Variants in DNAAF4 observed in about 807,000 individuals in gnomAD.
The protein encoded by DNAAF4 is dynein axonemal assembly factor 4.
Under a neutral mutation model 51.8 loss-of-function variants are expected in DNAAF4, and 43 were observed. The observed-to-expected ratio is 0.83, with a 90% CI of 0.65 to 1.07. The LOEUF (loss-of-function observed/expected upper bound fraction) is 1.07, where lower values mean the gene tolerates loss of function less well. Ranked by LOEUF, DNAAF4 falls within the 50% of genes least tolerant of loss-of-function variation. DNAAF4 has a pLI of 0.00. For missense variants in DNAAF4, 581 were observed against 493.0 expected (o/e 1.18, Z -1.69); for synonymous variants, 194 against 165.6 (o/e 1.17, Z -1.32).
intron 4 of DNAAF4, among the ~76,000 whole-genome samples, chr15:55,483,428 A>G (rs984032568): frequency 6.6e-6 from 1 of 152,022 alleles, no homozygotes; most frequent in Non-Finnish European, 1.5e-5. Context: ...GAAATGTTCC[A>G]GAATTACATA....
rs796958475 is a variant in DNAAF4, at chr15:55,455,062, C to T, written c.638-4695G>A. On this transcript the variant is annotated intron_variant, in intron 5 of 9. Transcript: ENST00000321149. Reference sequence around the variant, plus strand: ...TAAAATGCACAATTTAGAAGACAAACTACCAAAATTGACTTTGGAAAATTT... The same window carrying T: ...TAAAATGCACAATTTAGAAGACAAATTACCAAAATTGACTTTGGAAAATTT... Among the ~76,000 whole-genome samples the T allele has an allele frequency of 4.1e-4, 60 of 147,014 alleles. 1 individual carries two copies. The highest frequency in any genetic ancestry group is 1.5e-3 in the African/African-American group (59 of 40,312).
chr15:55,493,906 G>A (rs532452496), intron 3 of DNAAF4, among the ~76,000 whole-genome samples: 1 of 151,194 alleles, frequency 6.6e-6, no homozygotes, highest in African/African-American at 2.4e-5. Flanking sequence ...GTCTCCCTAT[G>A]TTGCCCAGGC....
intron 5 of DNAAF4, among the ~76,000 whole-genome samples, chr15:55,460,431 C>T (rs1245982738): frequency 8.6e-5 from 13 of 151,908 alleles, no homozygotes; most frequent in African/African-American, 1.5e-4. Context: ...CCACCCGCCT[C>T]GGCCTCCCAA....
chr15:55,438,868 C>T (rs930786557), intron 7 of DNAAF4, among the ~76,000 whole-genome samples: 1 of 151,716 alleles, frequency 6.6e-6, no homozygotes, highest in African/African-American at 2.4e-5. Context: ...TGGGAGACAT[C>T]AGAAAGGACT....
intron 5 of DNAAF4, among the ~76,000 whole-genome samples, chr15:55,454,902 T>C (rs1054118033): frequency 5.3e-5 from 8 of 152,010 alleles, no homozygotes; most frequent in Non-Finnish European, 1.0e-4. Flanking sequence ...GCTAGATCCA[T>C]TATACTTCAT....
chr15:55,432,568 T>C lies in DNAAF4; in HGVS notation c.1082A>G (p.Asn361Ser), dbSNP rs758258854. Residue 361 changes from asparagine (N) to serine (S), a missense_variant, in exon 9 of 10, where the codon AAT becomes AGT. Coordinates refer to ENST00000321149, the MANE Select transcript of DNAAF4 (RefSeq NM_130810.4). Reference sequence around the variant, plus strand: ...ATGTGCCTTCATTCTTGCATTAGCATTGTCTGTAACAGGTGGCATCAATAA... The same window carrying C: ...ATGTGCCTTCATTCTTGCATTAGCACTGTCTGTAACAGGTGGCATCAATAA... ...LELLMPPVTD[N>S]ANARMKAHVR... 1.9e-6 allele frequency: 3 copies of C among 1,612,480 alleles called. No homozygotes were observed. The highest frequency in any genetic ancestry group is 2.5e-6 in the Non-Finnish European group (3 of 1,178,988).
At chr15:55,485,518 T>C (rs1380905412) in intron 4 of DNAAF4, among the ~76,000 whole-genome samples, 1 of 151,842 alleles carries the variant, frequency 6.6e-6, no homozygotes, top group Non-Finnish European at 1.5e-5. Context: ...TTAAGGTTTC[T>C]GGGTTTCAAC....
At chr15:55,495,308 T>G (rs1442272650) in intron 3 of DNAAF4, 2 of 151,810 alleles carry the variant, frequency 1.3e-5, no homozygotes, top group African/African-American at 4.8e-5. Context: ...AAAAATAAAT[T>G]CTACCTTGGT....
downstream of DNAAF4, among the ~76,000 whole-genome samples, chr15:55,425,874 A>G (rs562139701): frequency 3.9e-5 from 6 of 152,296 alleles, no homozygotes; most frequent in African/African-American, 1.2e-4. Context: ...TAACTGCCCA[A>G]TGGGTTGACC....
At chr15:55,469,291 T>C (rs1321750738) in intron 4 of DNAAF4, among the ~76,000 whole-genome samples, 1 of 149,804 alleles carries the variant, frequency 6.7e-6, no homozygotes, top group Non-Finnish European at 1.5e-5. Flanking sequence ...GATAAAGCCA[T>C]TGCACTCAAA....
At chr15:55,458,695 C>A (rs557622688) in intron 5 of DNAAF4, among the ~76,000 whole-genome samples, 1 of 152,050 alleles carries the variant, frequency 6.6e-6, no homozygotes, top group African/African-American at 2.4e-5. Context: ...AAAGAACACC[C>A]GGGGAATTCA....
At chr15:55,425,339 G>A (rs1374515988), downstream of DNAAF4, among the ~76,000 whole-genome samples, 5 of 152,114 alleles carry the variant, frequency 3.3e-5, no homozygotes, top group African/African-American at 1.2e-4. Flanking sequence ...AATCCTGTTA[G>A]GTCAATTTAA....
downstream of DNAAF4, among the ~76,000 whole-genome samples, chr15:55,427,153 G>A (rs758417064): frequency 1.2e-4 from 18 of 152,044 alleles, no homozygotes; most frequent in Non-Finnish European, 2.4e-4. Flanking sequence ...TGCAACCTCC[G>A]CCTCCTGGGT....
chr15:55,457,720 G>GT (rs2058040605), intron 5 of DNAAF4, among the ~76,000 whole-genome samples: 1 of 152,136 alleles, frequency 6.6e-6, no homozygotes, highest in Non-Finnish European at 1.5e-5. Flanking sequence ...ATCTGTCCAC[G>GT]TGACAACTTC....
At chr15:55,500,147 T>C (rs2141608718) in intron 1 of DNAAF4, among the ~76,000 whole-genome samples, 1 of 152,314 alleles carries the variant, frequency 6.6e-6, no homozygotes, top group Admixed American at 6.5e-5. Flanking sequence ...GAAGCCTTTC[T>C]TTCACACAAA....
chr15:55,493,040 A>G (rs1372894630), intron 3 of DNAAF4, among the ~76,000 whole-genome samples: 1 of 152,104 alleles, frequency 6.6e-6, no homozygotes, highest in Non-Finnish European at 1.5e-5. Flanking sequence ...TTAATGTGAT[A>G]TTATTTGTAG....
At position 55,450,212 on chromosome 15, in the gene DNAAF4, G is replaced by A. The variant is rs374821358; in HGVS notation, c.783+10C>T. The A allele has an allele frequency of 1.9e-6, 3 of 1,600,320 alleles. No homozygotes were observed. The highest frequency in any genetic ancestry group is 2.7e-5 in the African/African-American group (2 of 74,180). On this transcript the variant is annotated intron_variant, in intron 6 of 9. Transcript: ENST00000321149. ...TTTGTGGTAATTGTAACTAGAGTAAGTATATATACCTCCTCCTCTTCTGCT... is the reference window on the plus strand; with the variant it reads ...TTTGTGGTAATTGTAACTAGAGTAAATATATATACCTCCTCCTCTTCTGCT...
Position 55,450,258 on chromosome 15 carries a change from T to C in DNAAF4, c.747A>G (p.Thr249=), listed in dbSNP as rs1447829562. ...KINFTPRVFP[T]ALRESQVAEE... is the part of the protein sequence containing the mutation. The stretch of plus-strand genomic sequence containing the variant: ...CTGCTACTTGTGATTCACGAAGAGC[T>C]GTTGGGAATACTCGAGGGGTAAAGT... The change falls in exon 6 of 10, where the codon ACA becomes ACG. Residue 249 remains threonine (T), a synonymous_variant. Coordinates refer to ENST00000321149, the MANE Select transcript of DNAAF4 (RefSeq NM_130810.4). The C allele has an allele frequency of 4.3e-6, 7 of 1,613,868 alleles. No homozygotes were observed. Among genetic ancestry groups the C allele is most frequent in the Non-Finnish European group, 5.9e-6 (7 of 1,179,966 alleles).
At position 55,449,381 on chromosome 15, in the gene DNAAF4, G is replaced by C. The variant is rs188724561; in HGVS notation, c.783+841C>G. Among the ~76,000 whole-genome samples, 36 of 151,700 alleles carry C rather than the reference G, an allele frequency of 2.4e-4. 1 individual carries two copies. Among genetic ancestry groups the C allele is most frequent in the African/African-American group, 7.7e-4 (32 of 41,414 alleles). On this transcript the variant is annotated intron_variant, in intron 6 of 9. Transcript: ENST00000321149. The stretch of plus-strand genomic sequence containing the variant: ...CTCGCAGTAAAAAAATGCAGTTCTT[G>C]GCTGGGTACGGTGGCTCATGCCTAT...
Sources: allele counts gnomAD v4.1 joint callset (sites outside exome capture counted in the v4.1 genomes callset), GRCh38; gene constraint gnomAD v4.1.1; transcripts MANE v1.5; gene names NCBI Gene and HGNC (gene_info 2026-07-23, HGNC 2026-07-21).